The following SV2B variants were observed in gnomAD, a reference collection of about 807,000 sequenced individuals.
SV2B encodes the protein solute carrier family 22 member B2.
SV2B carries 41 observed loss-of-function variants against 73.9 expected under a neutral mutation model. The observed-to-expected ratio is 0.56, with a 90% CI of 0.43 to 0.72. The LOEUF is 0.72. SV2B is among the 30% of genes least tolerant of loss of function. The probability of loss-of-function intolerance (pLI) is 0.00; values close to 1 mark genes in which losing one functional copy is unlikely to be tolerated. For missense variants in SV2B, 764 were observed against 857.8 expected (o/e 0.89, Z 1.37); for synonymous variants, 314 against 314.2 (o/e 1.00, Z 0.01).
Position 91,165,443 on chromosome 15 carries a change from TTA to T in SV2B, c.-391-60426_-391-60425del. On this transcript the variant is annotated intron_variant, in intron 1 of 12. Coordinates refer to ENST00000394232, the MANE Select transcript of SV2B (RefSeq NM_001323032.3). The stretch of plus-strand genomic sequence containing the variant: ...AGTATAACAACAATTTACATAGCAC[TTA>T]TATTGTATTAGTTATTATAAGTAAT... Among the ~76,000 whole-genome samples the T allele has an allele frequency of 2.6e-5, 4 of 152,362 alleles. No homozygotes were observed. The Middle Eastern group carries it at 0.01, about 389-fold the overall frequency.
intron 1 of SV2B, among the ~76,000 whole-genome samples, chr15:91,142,665 T>G (rs1434128423): frequency 1.3e-5 from 2 of 152,196 alleles, no homozygotes. Context: ...TATCCCAGCT[T>G]TCCAAGAAAT....
intron 1 of SV2B, among the ~76,000 whole-genome samples, chr15:91,161,899 C>A (rs1203663343): frequency 6.6e-6 from 1 of 152,168 alleles, no homozygotes; most frequent in African/African-American, 2.4e-5. Flanking sequence ...TTATAAAAGA[C>A]AAAGAGTGAA....
At chr15:91,172,703 C>A (rs1179223625) in intron 1 of SV2B, among the ~76,000 whole-genome samples, 1 of 152,174 alleles carries the variant, frequency 6.6e-6, no homozygotes, top group Non-Finnish European at 1.5e-5. Flanking sequence ...CAGCTCTTGT[C>A]CTGATAGCTG....
chr15:91,208,229 G>T (rs745440650), intron 1 of SV2B, among the ~76,000 whole-genome samples: 20 of 152,200 alleles, frequency 1.3e-4, no homozygotes, highest in Non-Finnish European at 2.1e-4. Flanking sequence ...TTCCCCAGCA[G>T]ATACCACTAA....
intron 1 of SV2B, among the ~76,000 whole-genome samples, chr15:91,143,459 G>T (rs114006493): frequency 0.012 from 1,813 of 152,156 alleles, 34 homozygotes; most frequent in African/African-American, 0.042. Context: ...AGATAAGTTT[G>T]TCACGAAATA....
At position 91,234,438 on chromosome 15, in the gene SV2B, C is replaced by T. The variant is rs1005156024; in HGVS notation, c.451+7724C>T. On this transcript the variant is annotated intron_variant, in intron 2 of 12. Coordinates refer to ENST00000394232, the MANE Select transcript of SV2B (RefSeq NM_001323032.3). This position sits in a 1 kb window ranked among gnomAD's most constrained non-coding sequence, Gnocchi z 5.6. ...CAAGGGCCAAGTGGTGGCACTCAGT[C>T]ACCAAAGGCAAGGGGAGTGTGGTTA... 6.6e-6 allele frequency among the ~76,000 whole-genome samples: 1 copy of T among 152,114 alleles called. No individual in the cohort carries two copies. Among genetic ancestry groups the T allele is most frequent in the Non-Finnish European group, 1.5e-5 (1 of 68,032 alleles).
chr15:91,246,271 T>C (rs1356963065), intron 2 of SV2B, among the ~76,000 whole-genome samples: 1 of 151,966 alleles, frequency 6.6e-6, no homozygotes, highest in East Asian at 1.9e-4. Context: ...TATGATTGGC[T>C]TGTTTTTAAA....
chr15:91,230,972 T>C (rs2046551712), intron 2 of SV2B, among the ~76,000 whole-genome samples: 1 of 152,144 alleles, frequency 6.6e-6, no homozygotes, highest in South Asian at 2.1e-4. Context: ...GGTGATTTGT[T>C]TTTGCAATTG....
chr15:91,199,814 C>T (rs974177673), intron 1 of SV2B, among the ~76,000 whole-genome samples: 1 of 152,170 alleles, frequency 6.6e-6, no homozygotes, highest in African/African-American at 2.4e-5. Flanking sequence ...CTATTAATCT[C>T]AGGCCTGTGT....
At chr15:91,260,816 G>C (rs957995071) in intron 6 of SV2B, among the ~76,000 whole-genome samples, 1 of 152,192 alleles carries the variant, frequency 6.6e-6, no homozygotes. Context: ...GGTGGCAAGA[G>C]AAAATGAGGA....
chr15:91,197,371 G>A lies in SV2B; in HGVS notation c.-391-28502G>A, dbSNP rs1434265030. ...AGCCTCCCGAGTAGCTGGGATTACA[G>A]GGGTCCGCCACCACACCTGTTTTTA... On this transcript the variant is annotated intron_variant, in intron 1 of 12. Transcript: ENST00000394232. This position sits in a 1 kb window ranked among gnomAD's most constrained non-coding sequence, Gnocchi z 4.9. 3.3e-5 allele frequency among the ~76,000 whole-genome samples: 5 copies of A among 151,966 alleles called. No individual in the cohort carries two copies. Among genetic ancestry groups the A allele is most frequent in the Admixed American group, 6.5e-5 (1 of 15,270 alleles).
chr15:91,198,037 A>G (rs73507011), intron 1 of SV2B, among the ~76,000 whole-genome samples: 4,930 of 152,294 alleles, frequency 0.032, 255 homozygotes, highest in African/African-American at 0.11. Flanking sequence ...TCCGTCTCAA[A>G]ACAAACAAAC....
chr15:91,280,378 G>A lies in SV2B; in HGVS notation c.1374-1350G>A, dbSNP rs2048645523. 6.6e-6 allele frequency among the ~76,000 whole-genome samples: 1 copy of A among 152,176 alleles called. No homozygotes were observed. Among genetic ancestry groups the A allele is most frequent in the Non-Finnish European group, 1.5e-5 (1 of 68,034 alleles). On this transcript the variant is annotated intron_variant, in intron 9 of 12. Transcript: ENST00000394232. This position sits in a 1 kb window ranked among gnomAD's most constrained non-coding sequence, Gnocchi z 5.8. ...TCCACTGTATTGTAGTTGCCTATTT[G>A]CTTGCACTTTTTTCCAATTAGACTG... is the stretch of plus-strand genomic sequence containing the variant.
chr15:91,237,318 C>G (rs947185547), intron 2 of SV2B, among the ~76,000 whole-genome samples: 1 of 152,176 alleles, frequency 6.6e-6, no homozygotes, highest in Non-Finnish European at 1.5e-5. Context: ...TGCCTAGCAG[C>G]ATCCCTAGCC....
At chr15:91,101,094 T>TA (rs2041710357) in intron 1 of SV2B, among the ~76,000 whole-genome samples, 1 of 152,202 alleles carries the variant, frequency 6.6e-6, no homozygotes, top group Non-Finnish European at 1.5e-5. Flanking sequence ...TTACTCCGTT[T>TA]AAGGGTAACT....
In SV2B at chr15:91,209,110, TTTTG is replaced by T. The variant is rs1201516292; in HGVS notation, c.-391-16759_-391-16756del. ...AATGAGTGACTGTGGCAGTACTGTT[TTTTG>T]TTTTTTTTTTTTTTTTTTTTTTTTT... is the stretch of plus-strand genomic sequence containing the variant. On this transcript the variant is annotated intron_variant, in intron 1 of 12. Coordinates refer to ENST00000394232, the MANE Select transcript of SV2B (RefSeq NM_001323032.3). Among the ~76,000 whole-genome samples, 397 of 137,906 alleles carry T rather than the reference TTTTG, an allele frequency of 2.9e-3. 9 individuals are homozygous for T. The highest frequency in any genetic ancestry group is 0.013 in the African/African-American group (386 of 30,796). 90.5% of individuals were successfully genotyped at this position (137,906 alleles called of 152,430 possible).
chr15:91,165,341 T>A lies in SV2B; in HGVS notation c.-391-60532T>A, dbSNP rs978177321. Among the ~76,000 whole-genome samples the A allele has an allele frequency of 3.9e-5, 6 of 152,052 alleles. 1 individual carries two copies. Among genetic ancestry groups the A allele is most frequent in the Admixed American group, 3.3e-4 (5 of 15,254 alleles). ...AGCGAGACTCTGTCTCAAAAAAAAA[T>A]TATTTTTTTAAAGGATGGTTGTATC... On this transcript the variant is annotated intron_variant, in intron 1 of 12. Transcript: ENST00000394232.
intron 1 of SV2B, among the ~76,000 whole-genome samples, chr15:91,164,278 G>A (rs1047299139): frequency 3.3e-5 from 5 of 152,150 alleles, no homozygotes; most frequent in Non-Finnish European, 7.3e-5. Context: ...CCAAAAAAGA[G>A]CCCGCATTGC....
At chr15:91,181,594 T>C (rs1211373385) in intron 1 of SV2B, among the ~76,000 whole-genome samples, 2 of 151,526 alleles carry the variant, frequency 1.3e-5, no homozygotes, top group Admixed American at 1.3e-4. Context: ...GTAAGAACAC[T>C]ATTTCTTACT....
Sources: gnomAD v4.1 joint callset for allele counts (sites outside exome capture counted in the v4.1 genomes callset) on GRCh38, gnomAD v4.1.1 for gene constraint, Gnocchi (gnomAD v3.1) non-coding constraint, MANE v1.5 for transcripts, NCBI Gene and HGNC (gene_info 2026-07-23, HGNC 2026-07-21) for gene names.